The following PAQR3 variants were observed in gnomAD, a reference collection of about 807,000 sequenced individuals.
PAQR3 encodes Raf kinase trapping to Golgi.
Under a neutral mutation model 41.7 loss-of-function variants are expected in PAQR3, and 39 were observed. The observed-to-expected ratio is 0.93, with a 90% CI of 0.72 to 1.22. PAQR3 has a LOEUF of 1.22. Ranked by LOEUF, PAQR3 falls within the 50% of genes most tolerant of loss-of-function variation. PAQR3 has a pLI of 0.00. For missense variants in PAQR3, 366 were observed against 385.6 expected (o/e 0.95, Z 0.42); for synonymous variants, 140 against 140.6 (o/e 1.00, Z 0.03).
At position 78,926,483 on chromosome 4, in the gene PAQR3, A is replaced by G. The variant is rs774042309; in HGVS notation, c.702+38T>C. ...CCAAAAGGAATAAAATTGAAAGGAA[A>G]AAAAAAAAGAGAAAAATATTAACTA... On this transcript the variant is annotated intron_variant, in intron 4 of 5. Transcript: ENST00000512733. 44 of 1,547,576 alleles carry G rather than the reference A, an allele frequency of 2.8e-5. No homozygotes were observed. The Admixed American group carries it at 8.1e-4, about 28-fold the overall frequency.
intron 11 of PAQR3, among the ~76,000 whole-genome samples, chr4:78,900,234 GTATAA>G (rs999232856): frequency 4.6e-5 from 7 of 152,166 alleles, no homozygotes; most frequent in Non-Finnish European, 1.0e-4. Flanking sequence ...AGAATACAGT[GTATAA>G]TATAACATTC....
At position 78,939,058 on chromosome 4, in the gene PAQR3, G is replaced by A; in HGVS notation, c.167C>T (p.Ser56Phe). 5 of 1,607,882 alleles carry A rather than the reference G, an allele frequency of 3.1e-6. No homozygotes were observed. Among genetic ancestry groups the A allele is most frequent in the African/African-American group, 1.3e-5 (1 of 74,834 alleles). The change falls in exon 1 of 6, where the codon TCC becomes TTC. Residue 56 changes from serine (S) to phenylalanine (F), a missense_variant. By Grantham distance (155) the Ser-to-Phe change is radical. Coordinates refer to ENST00000512733, the MANE Select transcript of PAQR3 (RefSeq NM_001040202.2). Reference protein sequence around the residue: ...ITDGYRAYLPSRLCIKSLFIL... With the variant: ...ITDGYRAYLPFRLCIKSLFIL... ...ACCGTACCTTTTGATACACAGCCTG[G>A]ACGGCAGGTAGGCCCGGTAGCCGTC...
Position 78,918,769 on chromosome 4 carries a change from TTTAAC to T in PAQR3, c.*1765_*1769del. ...CTAAAATAATGATTTTCCCCTCATT[TTTAAC>T]TTAAGTGTAACTACTCAGTGTCTTT... On this transcript the variant is annotated 3_prime_UTR_variant, in exon 6 of 6. Coordinates refer to ENST00000512733, the MANE Select transcript of PAQR3 (RefSeq NM_001040202.2). 1 of 983,856 alleles carries T rather than the reference TTTAAC, an allele frequency of 1.0e-6. No individual in the cohort carries two copies. Among genetic ancestry groups the T allele is most frequent in the Non-Finnish European group, 1.2e-6 (1 of 828,616 alleles). The allele number at this position is 983,856 out of a possible 1,614,324, so 60.9% of individuals were successfully genotyped here.
rs1735475704 is a variant in PAQR3 at position 78,919,765 on chromosome 4, T to C, written c.*774A>G. 1.0e-6 allele frequency: 1 copy of C among 984,344 alleles called. No individual in the cohort carries two copies. Among genetic ancestry groups the C allele is most frequent in the African/African-American group, 1.7e-5 (1 of 57,194 alleles). 61.0% of individuals were successfully genotyped at this position (984,344 alleles called of 1,614,324 possible). A position where few individuals can be genotyped will look rare whatever the true frequency, so the allele number is the denominator to read the frequency against. ...CACTCACAAGAATTCAGTTATTATATGGAATTAAATAATATCTGGAATTAA... is the reference window on the plus strand; with the variant it reads ...CACTCACAAGAATTCAGTTATTATACGGAATTAAATAATATCTGGAATTAA... On this transcript the variant is annotated 3_prime_UTR_variant, in exon 6 of 6. Transcript: ENST00000512733.
intron 1 of PAQR3, 37 bp from the exon 2 acceptor site, chr4:78,935,320 T>C (rs1737315831): frequency 6.3e-7 from 1 of 1,585,410 alleles, no homozygotes; most frequent in Non-Finnish European, 8.6e-7. Flanking sequence ...AGATTCACAT[T>C]GGCCAACTTA....
rs190000720 is a variant in PAQR3, at chr4:78,889,037, C to T, written c.*837-889G>A. Among the ~76,000 whole-genome samples the T allele has an allele frequency of 4.4e-3, 674 of 152,032 alleles. 12 individuals carry two copies. The highest frequency in any genetic ancestry group is 0.04 in the Admixed American group (610 of 15,280). On this transcript the variant is annotated intron_variant and NMD_transcript_variant, in intron 11 of 12. Coordinates refer to the PAQR3 transcript ENST00000342820. ...GAGATCAAGACCATCCTGGCTAACACGGTGAAACCCCATCTCTACTAAAAA... is the reference window on the plus strand; with the variant it reads ...GAGATCAAGACCATCCTGGCTAACATGGTGAAACCCCATCTCTACTAAAAA...
At chr4:78,922,547 C>G in intron 5 of PAQR3, 2 of 751,630 alleles carry the variant, frequency 2.7e-6, no homozygotes, top group Non-Finnish European at 4.0e-6. Context: ...TGACCCATGC[C>G]AAAACTTACC....
rs879827437 is a variant in PAQR3, at chr4:78,913,996, C to T, written c.*6543G>A. 2.6e-5 allele frequency: 4 copies of T among 151,452 alleles called. No homozygotes were observed. Among genetic ancestry groups the T allele is most frequent in the Admixed American group, 2.0e-4 (3 of 15,186 alleles). The allele number at this position is 151,452 out of a possible 1,614,324, so 9.4% of individuals were successfully genotyped here. Reference sequence around the variant, plus strand: ...CTTTACAAAATAGATTCAAGTGATACTTTCTTTTAAAAGTGAAGAGTTGAT... The same window carrying T: ...CTTTACAAAATAGATTCAAGTGATATTTTCTTTTAAAAGTGAAGAGTTGAT... On this transcript the variant is annotated 3_prime_UTR_variant, in exon 6 of 6. Coordinates refer to ENST00000512733, the MANE Select transcript of PAQR3 (RefSeq NM_001040202.2).
At chr4:78,937,075 C>A (rs916472903) in intron 1 of PAQR3, among the ~76,000 whole-genome samples, 1 of 152,118 alleles carries the variant, frequency 6.6e-6, no homozygotes, top group Non-Finnish European at 1.5e-5. Flanking sequence ...TGAGAATGAC[C>A]CTATATGAAA....
chr4:78,911,027 G>T (rs376958512), downstream of PAQR3: 25 of 1,613,592 alleles, frequency 1.5e-5, no homozygotes, highest in African/African-American at 2.7e-4. Flanking sequence ...TCTGGCAGTG[G>T]ACCAACCCAA....
In PAQR3 at chr4:78,920,396, ACTTT is replaced by A. The variant is rs1478200395; in HGVS notation, c.*139_*142del. On this transcript the variant is annotated 3_prime_UTR_variant, in exon 6 of 6. Transcript: ENST00000512733. ...GTTATTACTACAGATCCTTAAGTATACTTTTTTTCCCATTTTTATAAAGCATTAC... is the reference window on the plus strand; with the variant it reads ...GTTATTACTACAGATCCTTAAGTATATTTTCCCATTTTTATAAAGCATTAC... The A allele has an allele frequency of 2.3e-6, 3 of 1,286,830 alleles. No individual in the cohort carries two copies. The highest frequency in any genetic ancestry group is 3.0e-6 in the Non-Finnish European group (3 of 1,015,294). 79.7% of individuals were successfully genotyped at this position (1,286,830 alleles called of 1,614,324 possible). A position where few individuals can be genotyped will look rare whatever the true frequency, so the allele number is the denominator to read the frequency against.
intron 11 of PAQR3, chr4:78,898,743 A>T (rs143193451): frequency 6.6e-6 from 1 of 152,038 alleles, no homozygotes; most frequent in African/African-American, 2.4e-5. Context: ...AAATAACTTT[A>T]TATGTATTGA....
At chr4:78,907,412 G>A (rs181151839), downstream of PAQR3, among the ~76,000 whole-genome samples, 142 of 152,170 alleles carry the variant, frequency 9.3e-4, 3 homozygotes, top group African/African-American at 3.3e-3. Context: ...AAAAGAAGGC[G>A]AATTTAAATT....
chr4:78,931,290 C>T (rs553402886), intron 2 of PAQR3, among the ~76,000 whole-genome samples: 2 of 151,236 alleles, frequency 1.3e-5, no homozygotes, highest in Admixed American at 6.6e-5. Context: ...CTTGGGAGAT[C>T]GAGGCTGCAG....
Position 78,900,117 on chromosome 4 carries a change from C to T in PAQR3, c.*836+5991G>A, listed in dbSNP as rs142490020. Among the ~76,000 whole-genome samples, 678 of 152,288 alleles carry T rather than the reference C, an allele frequency of 4.5e-3. 2 individuals carry two copies. Among genetic ancestry groups the T allele is most frequent in the African/African-American group, 0.015 (640 of 41,562 alleles). On this transcript the variant is annotated intron_variant and NMD_transcript_variant, in intron 11 of 12. Transcript: ENST00000342820. ...CAGCAAGAACAACCCCTCTTCTTTG[C>T]TCCTCAGCCTACTCAATGTGAAGAC...
At position 78,939,290 on chromosome 4, in the gene PAQR3, G is replaced by C; in HGVS notation, c.-66C>G. ...CAGGTCCCGCCTCCCCGGGGAGGGGGCTTCGCCGCTGGCGCCCCCGCCCCG... is the reference window on the plus strand; with the variant it reads ...CAGGTCCCGCCTCCCCGGGGAGGGGCCTTCGCCGCTGGCGCCCCCGCCCCG... On this transcript the variant is annotated 5_prime_UTR_variant, in exon 1 of 6. Transcript: ENST00000512733. The C allele has an allele frequency of 6.9e-7, 1 of 1,457,136 alleles. No individual in the cohort carries two copies. The allele number at this position is 1,457,136 out of a possible 1,614,324, so 90.3% of individuals were successfully genotyped here.
Position 78,915,849 on chromosome 4 carries a change from T to C in PAQR3, c.*4690A>G, listed in dbSNP as rs897312972. 1 of 151,946 alleles carries C rather than the reference T, an allele frequency of 6.6e-6. No individual in the cohort carries two copies. The highest frequency in any genetic ancestry group is 2.4e-5 in the African/African-American group (1 of 41,432). 9.4% of individuals were successfully genotyped at this position (151,946 alleles called of 1,614,324 possible). On this transcript the variant is annotated 3_prime_UTR_variant, in exon 6 of 6. Coordinates refer to ENST00000512733, the MANE Select transcript of PAQR3 (RefSeq NM_001040202.2). The stretch of plus-strand genomic sequence containing the variant: ...TTTATACTGCTACTTTTGAAAGAAT[T>C]GTTTTTATGACTATGCTCTTTTTGT...
At chr4:78,911,518 A>G, downstream of PAQR3, 1 of 1,614,054 alleles carries the variant, frequency 6.2e-7, no homozygotes, top group Non-Finnish European at 8.5e-7. Context: ...GGATATGTCC[A>G]AAAGTAATGG....
chr4:78,934,837 T>G (rs1428561012), intron 2 of PAQR3, among the ~76,000 whole-genome samples: 1 of 152,190 alleles, frequency 6.6e-6, no homozygotes, highest in African/African-American at 2.4e-5. Context: ...GATAATAGAA[T>G]GCAATCAAAG....
Sources: allele counts gnomAD v4.1 joint callset (sites outside exome capture counted in the v4.1 genomes callset), GRCh38; gene constraint gnomAD v4.1.1; transcripts MANE v1.5; gene names NCBI Gene and HGNC (gene_info 2026-07-23, HGNC 2026-07-21).